The following CDH8 variants were observed in gnomAD, a reference collection of about 807,000 sequenced individuals.
CDH8 encodes cadherin-8.
A neutral mutation model predicts 68.1 loss-of-function variants in CDH8; 17 were observed. The ratio of observed to expected loss-of-function variants is 0.25; its 90% CI spans 0.17 to 0.37. The LOEUF (loss-of-function observed/expected upper bound fraction) is 0.37. Among genes scored for constraint, CDH8 ranks in the 10% least tolerant of loss-of-function variants. The pLI, the probability that CDH8 is intolerant of heterozygous loss-of-function variation, is 1.00. For missense variants in CDH8, 763 were observed against 999.3 expected (o/e 0.76, Z 3.19); for synonymous variants, 372 against 365.1 (o/e 1.02, Z -0.21).
chr16:61,790,803 T>G (rs940355663), intron 7 of CDH8, among the ~76,000 whole-genome samples: 7 of 152,132 alleles, frequency 4.6e-5, no homozygotes, highest in Middle Eastern at 6.8e-3. Flanking sequence ...AATTTGTACC[T>G]ATACCTACCT....
At chr16:61,779,343 T>TA (rs1459635118) in intron 8 of CDH8, among the ~76,000 whole-genome samples, 13 of 151,530 alleles carry the variant, frequency 8.6e-5, no homozygotes, top group Non-Finnish European at 1.8e-4. Context: ...GGGAAAATTT[T>TA]AAAAAAAAGA....
intron 2 of CDH8, among the ~76,000 whole-genome samples, chr16:61,968,108 GA>G (rs1965284067): frequency 1.3e-5 from 2 of 152,158 alleles, no homozygotes; most frequent in Admixed American, 6.5e-5. Flanking sequence ...GCTGGGCCTA[GA>G]GATCATTATT....
intron 5 of CDH8, among the ~76,000 whole-genome samples, chr16:61,823,708 AAGGTCCTCAT>A (rs1013870855): frequency 6.6e-6 from 1 of 151,936 alleles, no homozygotes; most frequent in Non-Finnish European, 1.5e-5. Context: ...TCTTAGGATA[AAGGTCCTCAT>A]AGGTCCTCAT....
At chr16:61,973,366 A>T (rs191817114) in intron 2 of CDH8, among the ~76,000 whole-genome samples, 2 of 152,392 alleles carry the variant, frequency 1.3e-5, no homozygotes, top group Admixed American at 1.3e-4. Flanking sequence ...AATACCTATG[A>T]CATATGAAAT....
At chr16:61,906,380 C>T (rs1013424466) in intron 2 of CDH8, among the ~76,000 whole-genome samples, 5 of 152,188 alleles carry the variant, frequency 3.3e-5, no homozygotes, top group African/African-American at 1.2e-4. Context: ...AATCCTCAAA[C>T]CCTCTGGCCA....
intron 10 of CDH8, among the ~76,000 whole-genome samples, chr16:61,694,603 G>A (rs963485357): frequency 5.9e-5 from 9 of 152,246 alleles, no homozygotes; most frequent in South Asian, 2.1e-4. Context: ...AGGTTTTGTC[G>A]TATGGGGGTA....
At chr16:61,905,478 CTATT>C (rs779591689) in intron 2 of CDH8, among the ~76,000 whole-genome samples, 39 of 151,810 alleles carry the variant, frequency 2.6e-4, no homozygotes, top group Non-Finnish European at 4.9e-4. Flanking sequence ...AATGTATTGA[CTATT>C]TATTACCTGG....
At chr16:61,803,948 C>T (rs1961728746) in intron 7 of CDH8, among the ~76,000 whole-genome samples, 1 of 130,022 alleles carries the variant, frequency 7.7e-6, no homozygotes, top group Non-Finnish European at 1.6e-5. Flanking sequence ...GAATTGAACT[C>T]AGCTCTGCAC....
At chr16:62,025,323 T>G (rs1283318211) in intron 1 of CDH8, among the ~76,000 whole-genome samples, 2 of 152,146 alleles carry the variant, frequency 1.3e-5, no homozygotes, top group Admixed American at 1.3e-4. Context: ...ATAATGATGG[T>G]CTCTACAGAG....
intron 2 of CDH8, among the ~76,000 whole-genome samples, chr16:61,924,361 C>G (rs568718849): frequency 1.3e-5 from 2 of 152,132 alleles, no homozygotes; most frequent in Non-Finnish European, 2.9e-5. Context: ...TGTGCACAGC[C>G]TATAGGTTCT....
chr16:61,902,961 C>T (rs981036410), intron 2 of CDH8, among the ~76,000 whole-genome samples: 2 of 151,832 alleles, frequency 1.3e-5, no homozygotes, highest in Admixed American at 1.3e-4. Flanking sequence ...GATATTAATC[C>T]TAATTTAGGA....
chr16:61,783,703 C>G (rs1961150967), intron 8 of CDH8, among the ~76,000 whole-genome samples: 1 of 151,244 alleles, frequency 6.6e-6, no homozygotes, highest in Admixed American at 6.6e-5. Context: ...TCGGGTTACC[C>G]TCAAAGGGAA....
intron 3 of CDH8, among the ~76,000 whole-genome samples, chr16:61,878,791 A>G (rs1472862541): frequency 2.0e-5 from 3 of 152,204 alleles, no homozygotes; most frequent in Non-Finnish European, 4.4e-5. Context: ...ATCATTTTAC[A>G]AATAATCAGT....
intron 7 of CDH8, among the ~76,000 whole-genome samples, chr16:61,802,158 C>T (rs1318178668): frequency 2.5e-5 from 3 of 122,318 alleles, no homozygotes; most frequent in African/African-American, 1.0e-4. Flanking sequence ...GTCCCTGACC[C>T]CTGACCCCCG....
intron 8 of CDH8, among the ~76,000 whole-genome samples, chr16:61,776,415 TA>T (rs11409828): frequency 3.5e-3 from 531 of 151,574 alleles, no homozygotes; most frequent in Non-Finnish European, 5.9e-3. Flanking sequence ...TCTATTGTTA[TA>T]AAAAAAAATT....
intron 10 of CDH8, among the ~76,000 whole-genome samples, chr16:61,695,605 A>G (rs976048214): frequency 6.6e-6 from 1 of 152,124 alleles, no homozygotes; most frequent in Non-Finnish European, 1.5e-5. Context: ...CCTTTCCTAG[A>G]TGTGACAATT....
intron 8 of CDH8, among the ~76,000 whole-genome samples, chr16:61,783,339 A>G (rs7501001): frequency 0.3 from 33,983 of 113,598 alleles, 2,476 homozygotes; most frequent in African/African-American, 0.41. Flanking sequence ...GGGTATCAGC[A>G]ATGGAAGATG....
chr16:61,922,167 C>A (rs566768777), intron 2 of CDH8, among the ~76,000 whole-genome samples: 8 of 152,240 alleles, frequency 5.3e-5, no homozygotes, highest in Middle Eastern at 3.4e-3. Context: ...TAATTTAGGA[C>A]AGATTTTCCT....
chr16:61,910,073 T>G (rs1250717943), intron 2 of CDH8, among the ~76,000 whole-genome samples: 3 of 152,116 alleles, frequency 2.0e-5, no homozygotes, highest in Non-Finnish European at 4.4e-5. Flanking sequence ...TTTCTAAGAT[T>G]CTTAAATACT....
Sources: gnomAD v4.1 joint callset for allele counts (sites outside exome capture counted in the v4.1 genomes callset) on GRCh38, gnomAD v4.1.1 for gene constraint, MANE v1.5 for transcripts, NCBI Gene and HGNC (gene_info 2026-07-23, HGNC 2026-07-21) for gene names.